Variants in PAX2 observed in about 807,000 individuals in gnomAD.
The protein encoded by PAX2 is paired box protein Pax-2.
In PAX2, 9 loss-of-function variants were observed where a neutral mutation model predicts 41.7. The observed-to-expected ratio is 0.22, with a 90% CI of 0.13 to 0.38. PAX2 has a LOEUF of 0.38. Ranked by LOEUF, PAX2 falls within the 10% of genes least tolerant of loss-of-function variation. The pLI, the probability that PAX2 is intolerant of heterozygous loss-of-function variation, is 1.00. For synonymous variants in PAX2, 221 were observed against 212.7 expected, an observed-to-expected ratio of 1.04 and a Z score of -0.34; for missense variants, 418 against 531.6, an observed-to-expected ratio of 0.79 and a Z score of 2.10.
intron 3 of PAX2, among the ~76,000 whole-genome samples, chr10:100,759,762 G>A (rs967585058): frequency 2.0e-5 from 3 of 152,202 alleles, no homozygotes; most frequent in Admixed American, 6.5e-5. Context: ...GATTGGAGAG[G>A]ACTGGGAGAG....
At chr10:100,754,416 T>TGCCCCTAGA (rs1469187888) in intron 3 of PAX2, among the ~76,000 whole-genome samples, 1 of 152,240 alleles carries the variant, frequency 6.6e-6, no homozygotes, top group African/African-American at 2.4e-5. Context: ...GGGCACTCTC[T>TGCCCCTAGA]GCCCCTAGAT....
chr10:100,749,062 A>T (rs1358608941), intron 1 of PAX2: 1 of 985,342 alleles, frequency 1.0e-6, no homozygotes, highest in South Asian at 4.7e-5. Context: ...TCTACTTCAG[A>T]TACTAAGGAG....
chr10:100,809,251 AG>A lies in PAX2; in HGVS notation c.919+17del. The A allele has an allele frequency of 4.3e-6, 7 of 1,612,102 alleles. No homozygotes were observed. The highest frequency in any genetic ancestry group is 5.9e-6 in the Non-Finnish European group (7 of 1,179,174). ...AGTTGTGACTGGTAAGGGGGCTTCC[AG>A]GAGGGTGGGGGCACTGCGTTCAGTG... is the stretch of plus-strand genomic sequence containing the variant. On this transcript the variant is annotated intron_variant, in intron 7 of 9. Coordinates refer to ENST00000355243, the MANE Select transcript of PAX2 (RefSeq NM_000278.5).
chr10:100,825,501 T>G (rs1451340322), intron 8 of PAX2, among the ~76,000 whole-genome samples: 1 of 152,126 alleles, frequency 6.6e-6, no homozygotes, highest in Admixed American at 6.5e-5. Flanking sequence ...TAACCCCAGA[T>G]TGGGAGCAGG....
rs1202867799 is a variant in PAX2, at chr10:100,796,425, G to A, written c.617-10005G>A. On this transcript the variant is annotated intron_variant, in intron 5 of 9. Transcript: ENST00000355243. ...ATGGCTGCATAATCTTCCACTGTTC[G>A]ATGTACATGTCCTTTTAAAATCTGG... Among the ~76,000 whole-genome samples, 5 of 152,024 alleles carry A rather than the reference G, an allele frequency of 3.3e-5. No homozygotes were observed. In the East Asian group the frequency reaches 9.6e-4, roughly 29 times the overall value.
chr10:100,822,504 T>C (rs988947168), intron 7 of PAX2, among the ~76,000 whole-genome samples: 1 of 152,228 alleles, frequency 6.6e-6, no homozygotes, highest in Non-Finnish European at 1.5e-5. Context: ...TACCACGTTC[T>C]CAACTATGCA....
intron 1 of PAX2, chr10:100,749,024 G>T: frequency 3.0e-6 from 3 of 985,440 alleles, no homozygotes; most frequent in Non-Finnish European, 3.6e-6. Context: ...AGCAGACCCC[G>T]GGCCCCTGCC....
At chr10:100,810,017 C>T (rs1034261063) in intron 7 of PAX2, among the ~76,000 whole-genome samples, 3 of 152,102 alleles carry the variant, frequency 2.0e-5, no homozygotes, top group Non-Finnish European at 2.9e-5. Context: ...GGGAGAGACA[C>T]GCATTGAGGT....
chr10:100,739,806 C>T (rs986660362), intron 1 of PAX2, among the ~76,000 whole-genome samples: 1 of 152,230 alleles, frequency 6.6e-6, no homozygotes, highest in African/African-American at 2.4e-5. Context: ...CCGATGAGGC[C>T]GCGGGCTCCG....
At chr10:100,737,443 G>C (rs1844811454) in intron 1 of PAX2, among the ~76,000 whole-genome samples, 1 of 152,268 alleles carries the variant, frequency 6.6e-6, no homozygotes, top group African/African-American at 2.4e-5. Flanking sequence ...ACAGCGGCCA[G>C]CGGCCCGACT....
chr10:100,779,730 T>C, intron 4 of PAX2, 147 bp downstream of exon 4: 3 of 710,606 alleles, frequency 4.2e-6, no homozygotes, highest in Admixed American at 2.0e-5. Flanking sequence ...CCTGTCCACA[T>C]AGGGTCTTCC....
At chr10:100,786,616 A>G (rs893990631) in intron 5 of PAX2, among the ~76,000 whole-genome samples, 4 of 152,082 alleles carry the variant, frequency 2.6e-5, no homozygotes, top group Non-Finnish European at 5.9e-5. Context: ...GTGCTTGGAG[A>G]GAGTGCCGGG....
chr10:100,776,743 C>A (rs1346231964), intron 3 of PAX2, among the ~76,000 whole-genome samples: 2 of 152,198 alleles, frequency 1.3e-5, no homozygotes, highest in African/African-American at 4.8e-5. Flanking sequence ...CTCCCTATAG[C>A]CTTATTCCTG....
intron 5 of PAX2, among the ~76,000 whole-genome samples, chr10:100,805,110 T>A (rs1181653252): frequency 1.3e-5 from 2 of 148,152 alleles, no homozygotes; most frequent in Non-Finnish European, 3.0e-5. Flanking sequence ...AGAATAGATA[T>A]GGAGGGAAGA....
At chr10:100,808,506 C>T (rs58453912) in intron 6 of PAX2, among the ~76,000 whole-genome samples, 4,026 of 152,244 alleles carry the variant, frequency 0.026, 176 homozygotes, top group African/African-American at 0.09. Context: ...GGCAATTACC[C>T]GAGTGTTTCA....
In PAX2 at chr10:100,780,654, C is replaced by G. The variant is rs193224656; in HGVS notation, c.497-592C>G. 1.7e-3 allele frequency among the ~76,000 whole-genome samples: 259 copies of G among 152,292 alleles called. 1 individual carries two copies. Among genetic ancestry groups the G allele is most frequent in the Admixed American group, 3.9e-3 (60 of 15,298 alleles). ...TCTCAAGTGATTTCAAGACCAAAAG[C>G]AGCTGAGAGAGAGAAATGCACACTC... On this transcript the variant is annotated intron_variant, in intron 4 of 9. Transcript: ENST00000355243.
chr10:100,746,330 C>A, intron 1 of PAX2, 27 bp downstream of exon 1: 2 of 1,501,420 alleles, frequency 1.3e-6, no homozygotes, highest in South Asian at 2.2e-5. Context: ...GGCTCCTGTC[C>A]CGGCTCGGGG....
intron 4 of PAX2, 69 bp from the exon 5 acceptor site, chr10:100,781,177 G>C: frequency 1.3e-6 from 2 of 1,542,172 alleles, no homozygotes; most frequent in Non-Finnish European, 1.8e-6. Context: ...CCCAGCCTTG[G>C]GGCTTTGGCC....
chr10:100,751,575 C>T (rs1204342722), intron 3 of PAX2, among the ~76,000 whole-genome samples: 1 of 152,222 alleles, frequency 6.6e-6, no homozygotes, highest in East Asian at 1.9e-4. Flanking sequence ...AGGCTGAAGT[C>T]TTTGCACTGA....
Sources: allele counts gnomAD v4.1 joint callset (sites outside exome capture counted in the v4.1 genomes callset), GRCh38; gene constraint gnomAD v4.1.1; transcripts MANE v1.5; gene names NCBI Gene and HGNC (gene_info 2026-07-23, HGNC 2026-07-21).